MDH1: variants seen among roughly 807,000 people sequenced by gnomAD.
MDH1 encodes malate dehydrogenase 1, also known as malate dehydrogenase, cytoplasmic.
In MDH1, 15 loss-of-function variants were observed where a neutral mutation model predicts 38.7. That is an observed-to-expected ratio of 0.39 (90% CI 0.26 to 0.60). MDH1 has a LOEUF of 0.60. MDH1 is among the 20% of genes least tolerant of loss of function. The probability of loss-of-function intolerance (pLI) is 0.56; values close to 1 mark genes in which losing one functional copy is unlikely to be tolerated. For missense variants in MDH1, 368 were observed against 405.2 expected (o/e 0.91, Z 0.79); for synonymous variants, 144 against 143.6 (o/e 1.00, Z -0.02).
chr2:63,597,525 T>C lies in MDH1; in HGVS notation c.326T>C (p.Phe109Ser). 1.3e-6 allele frequency: 2 copies of C among 1,504,492 alleles called. No homozygotes were observed. Among genetic ancestry groups the C allele is most frequent in the Non-Finnish European group, 1.8e-6 (2 of 1,117,832 alleles). The allele number at this position is 1,504,492 out of a possible 1,614,324, so 93.2% of individuals were successfully genotyped here. A position where few individuals can be genotyped will look rare whatever the true frequency, so the allele number is the denominator to read the frequency against. The change falls in exon 4 of 9, where the codon TTC becomes TCC. Residue 109 changes from phenylalanine to serine, a missense_variant. Phe to Ser is a radical substitution (Grantham distance 155). Coordinates refer to ENST00000233114, the MANE Select transcript of MDH1 (RefSeq NM_005917.4). Reference protein sequence around the residue: ...KDLLKANVKIFKSQGAALDKY... With the variant: ...KDLLKANVKISKSQGAALDKY... Reference sequence around the variant, plus strand: ...TTACTGAAAGCAAATGTGAAAATCTTCAAATCCCAGGGTGCAGCCTTAGAT... The same window carrying C: ...TTACTGAAAGCAAATGTGAAAATCTCCAAATCCCAGGGTGCAGCCTTAGAT...
At chr2:63,600,177 GAATT>G (rs1310187485) in intron 5 of MDH1, 1 of 152,174 alleles carries the variant, frequency 6.6e-6, no homozygotes, top group African/African-American at 2.4e-5. Flanking sequence ...CCTAACCTGA[GAATT>G]AATAATCCTT....
intron 3 of MDH1, chr2:63,597,172 T>G (rs11125979): frequency 0.24 from 138,887 of 570,194 alleles, 18,014 homozygotes; most frequent in East Asian, 0.71. Context: ...AGTTTTGACA[T>G]TTAAGTAATT....
At chr2:63,592,533 A>G (rs1709219635) in intron 1 of MDH1, among the ~76,000 whole-genome samples, 1 of 152,032 alleles carries the variant, frequency 6.6e-6, no homozygotes, top group Non-Finnish European at 1.5e-5. Context: ...TTTTTAAGAG[A>G]CAGGGTTTCA....
chr2:63,595,606 A>T, intron 3 of MDH1, 87 bp downstream of exon 3: 1 of 778,520 alleles, frequency 1.3e-6, no homozygotes, highest in Non-Finnish European at 2.2e-6. Flanking sequence ...GCTCTCAATT[A>T]GAAATTATTT....
At chr2:63,602,695 C>G (rs959106256) in intron 5 of MDH1, among the ~76,000 whole-genome samples, 1 of 152,088 alleles carries the variant, frequency 6.6e-6, no homozygotes, top group Non-Finnish European at 1.5e-5. Context: ...TATGGTCACA[C>G]CACCCTCTGT....
At position 63,589,509 on chromosome 2, in the gene MDH1, G is replaced by A. The variant is rs1017405349; in HGVS notation, c.3+463G>A. 6.6e-6 allele frequency: 6 copies of A among 912,772 alleles called. No homozygotes were observed. The South Asian group carries it at 8.6e-5, about 13-fold the overall frequency. 56.5% of individuals were successfully genotyped at this position (912,772 alleles called of 1,614,324 possible). On this transcript the variant is annotated intron_variant, in intron 1 of 8. Transcript: ENST00000233114. Reference sequence around the variant, plus strand: ...AAGCTGGAAAGGTAGTATTTACCAGGTGCTCCAGATTACGATCTGCGTTTG... The same window carrying A: ...AAGCTGGAAAGGTAGTATTTACCAGATGCTCCAGATTACGATCTGCGTTTG...
chr2:63,604,714 G>A lies in MDH1; in HGVS notation c.517G>A (p.Val173Met). Residue 173 changes from valine to methionine, a missense_variant, in exon 6 of 9, where the codon GTG (valine) becomes ATG (methionine). Coordinates refer to ENST00000233114, the MANE Select transcript of MDH1 (RefSeq NM_005917.4). ...AKAQIALKLG[V>M]TANDVKNVII... is the part of the protein sequence containing the mutation. ...TAACTAGATTGCTCTTAAACTTGGT[G>A]TGACTGCTAATGATGTAAAGAATGT... is the stretch of plus-strand genomic sequence containing the variant. 1.2e-6 allele frequency: 2 copies of A among 1,613,786 alleles called. No homozygotes were observed. Among genetic ancestry groups the A allele is most frequent in the Non-Finnish European group, 1.7e-6 (2 of 1,179,854 alleles).
chr2:63,605,452 A>C, intron 7 of MDH1, 59 bp downstream of exon 7: 1 of 1,220,438 alleles, frequency 8.2e-7, no homozygotes, highest in Non-Finnish European at 1.2e-6. Context: ...CTGATGATAT[A>C]ATATAAAAAG....
At chr2:63,606,397 T>C (rs1210507213) in intron 8 of MDH1, among the ~76,000 whole-genome samples, 1 of 152,180 alleles carries the variant, frequency 6.6e-6, no homozygotes, top group Non-Finnish European at 1.5e-5. Context: ...CAGAATGTTA[T>C]CACTTAATCT....
rs1709506735 is a variant in MDH1, at chr2:63,605,302, C to T, written c.698C>T (p.Ala233Val). 5.6e-6 allele frequency: 9 copies of T among 1,613,752 alleles called. No homozygotes were observed. The highest frequency in any genetic ancestry group is 3.3e-5 in the Admixed American group (2 of 60,014). ...CAGACTGTGCAGCAGCGTGGCGCTG[C>T]TGTCATCAAGGCTCGAAAACTATCC... ...FVTTVQQRGAAVIKARKLSSA... is the reference protein window; with the variant it reads ...FVTTVQQRGAVVIKARKLSSA... Residue 233 changes from alanine (A) to valine (V), a missense_variant, in exon 7 of 9, where the codon GCT becomes GTT. Transcript: ENST00000233114.
At chr2:63,594,683 G>A in intron 2 of MDH1, 97 bp downstream of exon 2, 1 of 846,500 alleles carries the variant, frequency 1.2e-6, no homozygotes. Context: ...AACAGTGAAG[G>A]AATATGTAAT....
chr2:63,590,846 G>T (rs1709185387), intron 1 of MDH1: 1 of 152,200 alleles, frequency 6.6e-6, no homozygotes, highest in African/African-American at 2.4e-5. Flanking sequence ...CCTCAGGAGG[G>T]TGTGTGAATG....
intron 1 of MDH1, among the ~76,000 whole-genome samples, chr2:63,591,550 C>A (rs1709201764): frequency 6.6e-6 from 1 of 152,170 alleles, no homozygotes; most frequent in African/African-American, 2.4e-5. Context: ...TATAGGTGAC[C>A]TTATGGGAAG....
In MDH1 at chr2:63,588,971, T is replaced by C. The variant is rs541550600; in HGVS notation, c.-73T>C. On this transcript the variant is annotated 5_prime_UTR_variant, in exon 1 of 9. Transcript: ENST00000233114. ...CACCGCTCGCCCTCTCCGAGTCAGT[T>C]CCGCGGTAGAGGTGACCTGACTCTC... 259 of 1,610,912 alleles carry C rather than the reference T, an allele frequency of 1.6e-4. 1 individual carries two copies. Among genetic ancestry groups the C allele is most frequent in the Middle Eastern group, 1.6e-4 (1 of 6,080 alleles).
At position 63,594,156 on chromosome 2, in the gene MDH1, G is replaced by T. The variant is rs550469570; in HGVS notation, c.4-332G>T. ...TGGGGGCTTTGCATAATAAGGATTT[G>T]TGTGGCTCTAGTGGCTGCCAGGGTT... On this transcript the variant is annotated intron_variant, in intron 1 of 8. Coordinates refer to ENST00000233114, the MANE Select transcript of MDH1 (RefSeq NM_005917.4). 4.7e-4 allele frequency: 217 copies of T among 465,626 alleles called. 2 individuals carry two copies. The highest frequency in any genetic ancestry group is 3.4e-3 in the South Asian group (209 of 60,826). 28.8% of individuals were successfully genotyped at this position (465,626 alleles called of 1,614,324 possible).
chr2:63,606,029 G>A lies in MDH1; in HGVS notation c.879+1G>A. 6.2e-7 allele frequency: 1 copy of A among 1,612,834 alleles called. No individual in the cohort carries two copies. The highest frequency in any genetic ancestry group is 8.5e-7 in the Non-Finnish European group (1 of 1,178,836). On this transcript the variant is annotated splice_donor_variant, in intron 8 of 8. Coordinates refer to ENST00000233114, the MANE Select transcript of MDH1 (RefSeq NM_005917.4). LOFTEE classifies it high-confidence loss of function. ...CTACTCATTCCCTGTTGTAATCAAG[G>A]TAAGGTATTTTGGAGCTATTTCCCT... is the stretch of plus-strand genomic sequence containing the variant.
At chr2:63,606,051 C>T in intron 8 of MDH1, 23 bp downstream of exon 8, 1 of 1,589,534 alleles carries the variant, frequency 6.3e-7, no homozygotes, top group Non-Finnish European at 8.6e-7. Context: ...GGAGCTATTT[C>T]CCTTCTTTGA....
intron 1 of MDH1, among the ~76,000 whole-genome samples, chr2:63,592,735 T>A (rs559942557): frequency 6.6e-6 from 1 of 152,372 alleles, no homozygotes; most frequent in Admixed American, 6.5e-5. Flanking sequence ...TACATTTCCA[T>A]CTTTTTGATA....
chr2:63,605,902 T>A, intron 7 of MDH1, 37 bp from the exon 8 acceptor site: 1 of 1,533,408 alleles, frequency 6.5e-7, no homozygotes. Context: ...TTGTGTAAAC[T>A]AATCATCATG....
Sources: gnomAD v4.1 joint callset for allele counts (sites outside exome capture counted in the v4.1 genomes callset) on GRCh38, gnomAD v4.1.1 for gene constraint, MANE v1.5 for transcripts, NCBI Gene and HGNC (gene_info 2026-07-23, HGNC 2026-07-21) for gene names.